MCM3AP: variants seen among roughly 807,000 people sequenced by gnomAD.
The protein encoded by MCM3AP is minichromosome maintenance complex component 3 associated protein.
In MCM3AP, 126 loss-of-function variants were observed where a neutral mutation model predicts 184.1. The ratio of observed to expected loss-of-function variants is 0.68; its 90% CI spans 0.59 to 0.79. The LOEUF is 0.79. Among genes scored for constraint, MCM3AP ranks in the 30% least tolerant of loss-of-function variants. MCM3AP has a pLI of 0.00. For synonymous variants in MCM3AP, 1,002 were observed against 979.3 expected (o/e 1.02, Z -0.43); for missense variants, 2,496 against 2,479.2 (o/e 1.01, Z -0.14).
chr21:46,267,104 G>C lies in MCM3AP; in HGVS notation c.2667C>G (p.Tyr889Ter). 6.2e-7 allele frequency: 1 copy of C among 1,614,024 alleles called. No individual in the cohort carries two copies. The highest frequency in any genetic ancestry group is 8.5e-7 in the Non-Finnish European group (1 of 1,179,956). ...TGGTAGATCGCTGTGTGCTCACCGT[G>C]TACGCAAAGTTGAGCGCCCGGAGAG... ...KDALRALNFA[Y>*]TVSTQRSTIF... Residue 889 changes from tyrosine (Y) to a stop codon, truncating the protein, a stop_gained, in exon 10 of 28, where the codon TAC (tyrosine) becomes TAG (stop). Transcript: ENST00000291688. LOFTEE classifies it high-confidence loss of function.
intron 20 of MCM3AP, among the ~76,000 whole-genome samples, chr21:46,247,424 C>T (rs1279555825): frequency 1.4e-5 from 2 of 147,178 alleles, no homozygotes; most frequent in African/African-American, 2.5e-5. Flanking sequence ...CTCACTCTGT[C>T]GCCCAGGCTG....
chr21:46,247,231 G>C, intron 20 of MCM3AP: 1 of 227,174 alleles, frequency 4.4e-6, no homozygotes, highest in Non-Finnish European at 8.8e-6. Flanking sequence ...TGAGATTACA[G>C]GTTCGAGGAG....
At chr21:46,243,023 G>A in intron 24 of MCM3AP, 92 bp from the exon 25 acceptor site, 1 of 1,172,628 alleles carries the variant, frequency 8.5e-7, no homozygotes, top group Non-Finnish European at 1.2e-6. Context: ...ACAAAAACAG[G>A]TACAAATAAT....
At chr21:46,279,123 T>C (rs1001945724) in intron 4 of MCM3AP, among the ~76,000 whole-genome samples, 1 of 151,706 alleles carries the variant, frequency 6.6e-6, no homozygotes, top group African/African-American at 2.4e-5. Flanking sequence ...CCATCTCTAC[T>C]AAAAATACAA....
At chr21:46,240,614 CAGTT>C (rs1475781898) in intron 26 of MCM3AP, among the ~76,000 whole-genome samples, 193 bp downstream of exon 26, 1 of 152,210 alleles carries the variant, frequency 6.6e-6, no homozygotes, top group Admixed American at 6.5e-5. Flanking sequence ...TCAATATAAA[CAGTT>C]AGAAACATAC....
chr21:46,270,290 C>T (rs2081163471), intron 9 of MCM3AP, 111 bp downstream of exon 9: 1 of 1,040,288 alleles, frequency 9.6e-7, no homozygotes, highest in Admixed American at 2.4e-5. Flanking sequence ...GCAAGGGTGA[C>T]ACAGCATCAG....
In MCM3AP at chr21:46,240,247, GAT is replaced by G. The variant is rs1491401626; in HGVS notation, c.5633+562_5633+563del. 2.0e-5 allele frequency among the ~76,000 whole-genome samples: 3 copies of G among 152,202 alleles called. No homozygotes were observed. In the East Asian group the frequency reaches 5.8e-4, roughly 29 times the overall value. On this transcript the variant is annotated intron_variant, in intron 26 of 27. Coordinates refer to ENST00000291688, the MANE Select transcript of MCM3AP (RefSeq NM_003906.5). Reference sequence around the variant, plus strand: ...CAGCAACAAGAGGCGTCAGGAAGGGGATATAGGGAGGATGCTGGATGTGGCTG... The same window carrying G: ...CAGCAACAAGAGGCGTCAGGAAGGGGATAGGGAGGATGCTGGATGTGGCTG...
chr21:46,246,223 G>C, intron 22 of MCM3AP, 84 bp downstream of exon 22: 1 of 823,146 alleles, frequency 1.2e-6, no homozygotes. Context: ...CAATGCAAAC[G>C]CTAATATACA....
At chr21:46,257,133 C>T in intron 16 of MCM3AP, 147 bp from the exon 17 acceptor site, 1 of 1,165,612 alleles carries the variant, frequency 8.6e-7, no homozygotes, top group Non-Finnish European at 1.2e-6. Context: ...ACAGTTAATA[C>T]TGAATGAGCT....
chr21:46,260,960 G>T, intron 14 of MCM3AP, 54 bp from the exon 15 acceptor site: 2 of 1,407,174 alleles, frequency 1.4e-6, no homozygotes, highest in South Asian at 1.2e-5. Flanking sequence ...AAAAATAAGT[G>T]CTGTTTGTTT....
At chr21:46,278,286 A>C (rs569419005) in intron 4 of MCM3AP, among the ~76,000 whole-genome samples, 1 of 152,224 alleles carries the variant, frequency 6.6e-6, no homozygotes, top group Non-Finnish European at 1.5e-5. Flanking sequence ...TTAAGCCTAC[A>C]TGTTTTAAAA....
intron 15 of MCM3AP, 154 bp from the exon 16 acceptor site, chr21:46,259,245 A>ACCACC: frequency 1.6e-6 from 1 of 621,658 alleles, no homozygotes; most frequent in African/African-American, 1.9e-5. Context: ...CATGAGGTCA[A>ACCACC]GAGATCCAGA....
At chr21:46,257,316 A>G (rs532871815) in intron 16 of MCM3AP, among the ~76,000 whole-genome samples, 6 of 151,792 alleles carry the variant, frequency 4.0e-5, no homozygotes, top group Admixed American at 3.9e-4. Context: ...CTCTACTAAA[A>G]TACAAAAAAT....
chr21:46,239,225 C>T (rs2080603811), intron 26 of MCM3AP, among the ~76,000 whole-genome samples: 1 of 152,188 alleles, frequency 6.6e-6, no homozygotes, highest in African/African-American at 2.4e-5. Flanking sequence ...GCAAAGTTTG[C>T]CTTTGATTGC....
In MCM3AP at chr21:46,236,923, A is replaced by C. The variant is rs2080539273; in HGVS notation, c.5690T>G (p.Leu1897Ter). The change falls in exon 27 of 28, where the codon TTA becomes TGA. Residue 1897 changes from leucine to a stop codon, truncating the protein, a stop_gained. Transcript: ENST00000291688. LOFTEE classifies it high-confidence loss of function. The stretch of plus-strand genomic sequence containing the variant: ...AGGAAGATAGAGGGGAAGGGAAGTT[A>C]AATCCGTAAATGCTCCTGAGTCTTC... ...LSEDSGAFTD[L>*]TSLPLYLPQT... The C allele has an allele frequency of 1.3e-6, 2 of 1,578,346 alleles. No individual in the cohort carries two copies. Among genetic ancestry groups the C allele is most frequent in the African/African-American group, 2.7e-5 (2 of 73,140 alleles).
Position 46,244,793 on chromosome 21 carries a change from G to C in MCM3AP, c.5038+14C>G. ...TGCAGCCACCCACCAGACCTCCCCA[G>C]GTCAAGCACGTACCCCCCAGGGGTG... is the stretch of plus-strand genomic sequence containing the variant. On this transcript the variant is annotated intron_variant, in intron 23 of 27. Coordinates refer to ENST00000291688, the MANE Select transcript of MCM3AP (RefSeq NM_003906.5). 6.3e-7 allele frequency: 1 copy of C among 1,597,296 alleles called. No individual in the cohort carries two copies. The highest frequency in any genetic ancestry group is 8.5e-7 in the Non-Finnish European group (1 of 1,170,964).
chr21:46,276,279 A>G (rs1455227809), intron 5 of MCM3AP, among the ~76,000 whole-genome samples: 1 of 143,302 alleles, frequency 7.0e-6, no homozygotes. Context: ...AAAAAAAAAG[A>G]AAAATTCTAA....
chr21:46,238,912 G>T (rs1297296736), intron 26 of MCM3AP, among the ~76,000 whole-genome samples: 1 of 152,182 alleles, frequency 6.6e-6, no homozygotes, highest in Admixed American at 6.5e-5. Flanking sequence ...AGGAGAGACA[G>T]ACAAGGAACA....
intron 15 of MCM3AP, among the ~76,000 whole-genome samples, chr21:46,259,953 G>C (rs1347809408): frequency 6.6e-6 from 1 of 150,748 alleles, no homozygotes; most frequent in Non-Finnish European, 1.5e-5. Flanking sequence ...GTGCATGCCT[G>C]TAATTCCAGC....
Sources: allele counts gnomAD v4.1 joint callset (sites outside exome capture counted in the v4.1 genomes callset), GRCh38; gene constraint gnomAD v4.1.1; transcripts MANE v1.5; gene names NCBI Gene and HGNC (gene_info 2026-07-23, HGNC 2026-07-21).